KCNJ3: variants seen among roughly 807,000 people sequenced by gnomAD.
KCNJ3 encodes potassium inwardly rectifying channel subfamily J member 3.
A neutral mutation model predicts 39.2 loss-of-function variants in KCNJ3; 4 were observed. That is an observed-to-expected ratio of 0.10 (90% CI 0.05 to 0.23). The LOEUF is 0.23. Among genes scored for constraint, KCNJ3 ranks in the 10% least tolerant of loss-of-function variants. KCNJ3 has a pLI of 1.00. For missense variants in KCNJ3, 276 were observed against 634.9 expected (o/e 0.43, Z 6.08); for synonymous variants, 230 against 237.4 (o/e 0.97, Z 0.29).
chr2:154,752,240 A>C (rs955509007), intron 2 of KCNJ3, among the ~76,000 whole-genome samples: 1 of 151,388 alleles, frequency 6.6e-6, no homozygotes, highest in Admixed American at 6.6e-5. Context: ...TGCTATTGTC[A>C]TAATAAAAGT....
intron 2 of KCNJ3, among the ~76,000 whole-genome samples, chr2:154,839,393 A>G (rs1013237736): frequency 1.3e-5 from 2 of 152,120 alleles, no homozygotes; most frequent in South Asian, 2.1e-4. Flanking sequence ...TGCAATAAAC[A>G]TATGTGTGTG....
chr2:154,807,487 A>G (rs1314433787), intron 2 of KCNJ3, among the ~76,000 whole-genome samples: 4 of 152,178 alleles, frequency 2.6e-5, no homozygotes, highest in Non-Finnish European at 5.9e-5. Context: ...CAATTCAGCT[A>G]AGACTTTGTC....
At chr2:154,767,399 T>C (rs941949730) in intron 2 of KCNJ3, among the ~76,000 whole-genome samples, 2 of 152,110 alleles carry the variant, frequency 1.3e-5, no homozygotes, top group East Asian at 3.9e-4. Context: ...AGTGTTCTCA[T>C]TGTTCAATTC....
rs557403801 is a variant in KCNJ3 at position 154,857,084 on chromosome 2, G to T, written c.*1771G>T. ...CCTCTGTATCAACCAAATTCTGTAG[G>T]TGCAAACATATACCAGGGAATTCTT... On this transcript the variant is annotated 3_prime_UTR_variant, in exon 3 of 3. Transcript: ENST00000295101. 6.6e-6 allele frequency: 1 copy of T among 152,114 alleles called. No homozygotes were observed. Among genetic ancestry groups the T allele is most frequent in the South Asian group, 2.1e-4 (1 of 4,808 alleles). The allele number at this position is 152,114 out of a possible 1,614,324, so 9.4% of individuals were successfully genotyped here. A position where few individuals can be genotyped will look rare whatever the true frequency, so the allele number is the denominator to read the frequency against.
intron 2 of KCNJ3, among the ~76,000 whole-genome samples, chr2:154,737,722 G>A (rs1043087257): frequency 2.6e-5 from 4 of 152,140 alleles, no homozygotes; most frequent in Non-Finnish European, 4.4e-5. Context: ...GGAAAGACTG[G>A]TGAATTTGAA....
chr2:154,760,655 C>A (rs1240564705), intron 2 of KCNJ3, among the ~76,000 whole-genome samples: 1 of 151,588 alleles, frequency 6.6e-6, no homozygotes, highest in East Asian at 1.9e-4. Context: ...CTGGGCTGAA[C>A]TGATCCTTTC....
At chr2:154,759,754 T>C (rs1686006622) in intron 2 of KCNJ3, among the ~76,000 whole-genome samples, 1 of 152,152 alleles carries the variant, frequency 6.6e-6, no homozygotes, top group South Asian at 2.1e-4. Flanking sequence ...AAAATGCAGG[T>C]AAATTGTGTC....
chr2:154,848,863 G>A (rs1234008729), intron 2 of KCNJ3, among the ~76,000 whole-genome samples: 1 of 152,074 alleles, frequency 6.6e-6, no homozygotes, highest in Non-Finnish European at 1.5e-5. Flanking sequence ...CTGAAGAAAG[G>A]TTCATTTCTT....
In KCNJ3 at chr2:154,698,880, G is replaced by T. The variant is rs1170408270; in HGVS notation, c.105G>T (p.Gln35His). The T allele has an allele frequency of 1.2e-6, 2 of 1,614,082 alleles. No individual in the cohort carries two copies. Among genetic ancestry groups the T allele is most frequent in the Non-Finnish European group, 1.7e-6 (2 of 1,180,056 alleles). ...AGGGGCCAGGCCAGGACCCTCAGCAGCAGCTTGTGCCCAAGAAGAAGCGGC... is the reference window on the plus strand; with the variant it reads ...AGGGGCCAGGCCAGGACCCTCAGCATCAGCTTGTGCCCAAGAAGAAGCGGC... ...QPQGPGQDPQ[Q>H]QLVPKKKRQR... The change falls in exon 1 of 3, where the codon CAG becomes CAT. Residue 35 changes from glutamine (Q) to histidine (H), a missense_variant. Coordinates refer to ENST00000295101, the MANE Select transcript of KCNJ3 (RefSeq NM_002239.4).
At chr2:154,788,740 G>A (rs913099292) in intron 2 of KCNJ3, among the ~76,000 whole-genome samples, 1 of 150,970 alleles carries the variant, frequency 6.6e-6, no homozygotes, top group Non-Finnish European at 1.5e-5. Flanking sequence ...TTTTAATATG[G>A]GTGGGAAAAT....
At chr2:154,811,270 A>G (rs150722073) in intron 2 of KCNJ3, among the ~76,000 whole-genome samples, 1 of 152,236 alleles carries the variant, frequency 6.6e-6, no homozygotes. Context: ...GTCAAACGAC[A>G]GGTTATATTA....
rs115494059 is a variant in KCNJ3 at position 154,780,475 on chromosome 2, A to G, written c.919+70656A>G. 2.3e-3 allele frequency among the ~76,000 whole-genome samples: 357 copies of G among 152,270 alleles called. 1 individual carries two copies. Among genetic ancestry groups the G allele is most frequent in the African/African-American group, 8.0e-3 (332 of 41,544 alleles). ...CATTATCAGTGTGAAGGGTGTTAGG[A>G]AAGGAAACCACTGGTAACAGTCAAT... On this transcript the variant is annotated intron_variant, in intron 2 of 2. Coordinates refer to ENST00000295101, the MANE Select transcript of KCNJ3 (RefSeq NM_002239.4).
chr2:154,841,895 T>G (rs1160605807), intron 2 of KCNJ3, among the ~76,000 whole-genome samples: 1 of 152,148 alleles, frequency 6.6e-6, no homozygotes, highest in Admixed American at 6.6e-5. Context: ...AGCTCCTGGA[T>G]TCATTGATTT....
At chr2:154,730,683 A>C (rs16838049) in intron 2 of KCNJ3, among the ~76,000 whole-genome samples, 1 of 152,026 alleles carries the variant, frequency 6.6e-6, no homozygotes, top group African/African-American at 2.4e-5. Context: ...TAAACATTAA[A>C]CCCCATATAA....
Position 154,854,731 on chromosome 2 carries a change from G to T in KCNJ3, c.924G>T (p.Met308Ile). The T allele has an allele frequency of 6.2e-7, 1 of 1,600,878 alleles. No individual in the cohort carries two copies. The highest frequency in any genetic ancestry group is 1.1e-5 in the South Asian group (1 of 90,184). Residue 308 changes from methionine (M) to isoleucine (I), a missense_variant, in exon 3 of 3, where the codon ATG becomes ATT. Met to Ile is a conservative substitution (Grantham distance 10). Transcript: ENST00000295101. Reference protein sequence around the residue: ...ILEGIVETTGMTCQARTSYTE... With the variant: ...ILEGIVETTGITCQARTSYTE... ...GAATTTTCTCTTTTCTTGTAGGGAT[G>T]ACTTGTCAAGCTCGAACATCATATA...
intron 2 of KCNJ3, among the ~76,000 whole-genome samples, chr2:154,755,743 C>T (rs1685926198): frequency 6.6e-6 from 1 of 151,598 alleles, no homozygotes; most frequent in Non-Finnish European, 1.5e-5. Flanking sequence ...TTTAAGTTTG[C>T]TTAGAAATGA....
chr2:154,709,727 C>A lies in KCNJ3; in HGVS notation c.827C>A (p.Ala276Asp), dbSNP rs748436406. 7.4e-6 allele frequency: 12 copies of A among 1,613,792 alleles called. No homozygotes were observed. In the Admixed American group the frequency reaches 1.8e-4, roughly 25 times the overall value. ...CTCACAATTTGCCACGTGATCGATGCCAAAAGCCCCTTTTATGACCTATCC... is the reference window on the plus strand; with the variant it reads ...CTCACAATTTGCCACGTGATCGATGACAAAAGCCCCTTTTATGACCTATCC... ...SPLTICHVID[A>D]KSPFYDLSQR... Residue 276 changes from alanine (A) to aspartate (D), a missense_variant, in exon 2 of 3, where the codon GCC becomes GAC. Ala to Asp is a moderately radical substitution (Grantham distance 126). This residue lies in a region of KCNJ3 where 77 missense variants were observed against 200.0 expected (regional missense o/e 0.38). Transcript: ENST00000295101.
chr2:154,854,060 C>A (rs1261020133), intron 2 of KCNJ3, among the ~76,000 whole-genome samples: 2 of 152,150 alleles, frequency 1.3e-5, no homozygotes, highest in Non-Finnish European at 2.9e-5. Context: ...AATATTACCA[C>A]CTTTTATTCG....
intron 2 of KCNJ3, among the ~76,000 whole-genome samples, chr2:154,785,825 C>T (rs923841711): frequency 1.3e-5 from 2 of 152,050 alleles, no homozygotes; most frequent in Non-Finnish European, 2.9e-5. Context: ...GGATTAGAGC[C>T]CATCTTAATG....
Sources: allele counts gnomAD v4.1 joint callset (sites outside exome capture counted in the v4.1 genomes callset), GRCh38; gene constraint gnomAD v4.1.1; regional missense constraint gnomAD v4.1.1; transcripts MANE v1.5; gene names NCBI Gene and HGNC (gene_info 2026-07-23, HGNC 2026-07-21).